The following CDH22 variants were observed in gnomAD, a reference collection of about 807,000 sequenced individuals.
CDH22 encodes the protein cadherin 22.
A neutral mutation model predicts 58.4 loss-of-function variants in CDH22; 30 were observed. The ratio of observed to expected loss-of-function variants is 0.51; its 90% CI spans 0.38 to 0.70. The LOEUF (loss-of-function observed/expected upper bound fraction) is 0.70. Ranked by LOEUF, CDH22 falls within the 30% of genes least tolerant of loss-of-function variation. CDH22 has a pLI of 0.00. For synonymous variants in CDH22, 513 were observed against 558.2 expected (o/e 0.92, Z 1.14); for missense variants, 1,014 against 1,233.9 (o/e 0.82, Z 2.67).
Position 46,251,313 on chromosome 20 carries a change from T to C in CDH22, c.-19A>G. 7.0e-7 allele frequency: 1 copy of C among 1,438,334 alleles called. No homozygotes were observed. The highest frequency in any genetic ancestry group is 9.1e-7 in the Non-Finnish European group (1 of 1,104,634). 89.1% of individuals were successfully genotyped at this position (1,438,334 alleles called of 1,614,324 possible). On this transcript the variant is annotated 5_prime_UTR_variant, in exon 2 of 12. Transcript: ENST00000537909. The surrounding 1 kb of genome is among the most constrained non-coding windows in gnomAD (Gnocchi z 6.7). Reference sequence around the variant, plus strand: ...GCCTCATCCTTGGCCTGCGCGGGGCTGGGGCCCAGGAGCATGGACGAGAGG... The same window carrying C: ...GCCTCATCCTTGGCCTGCGCGGGGCCGGGGCCCAGGAGCATGGACGAGAGG...
At chr20:46,263,406 C>CTCTGTGTGTG (rs1555806371) in intron 1 of CDH22, among the ~76,000 whole-genome samples, 9 of 150,378 alleles carry the variant, frequency 6.0e-5, no homozygotes, top group African/African-American at 2.2e-4. Flanking sequence ...GCCTTCCATT[C>CTCTGTGTGTG]TGTGTGTGTG....
intron 1 of CDH22, among the ~76,000 whole-genome samples, chr20:46,277,726 A>T (rs1009555720): frequency 1.3e-5 from 2 of 151,876 alleles, no homozygotes; most frequent in African/African-American, 2.4e-5. Flanking sequence ...TGAGGTGAGG[A>T]TCAGGGCGTC....
chr20:46,226,276 TCTTCTTCTTCTTC>T (rs1417757051), intron 4 of CDH22, among the ~76,000 whole-genome samples: 100 of 2,954 alleles, frequency 0.034, 7 homozygotes, highest in Middle Eastern at 0.1. Context: ...TTCTTCTTCT[TCTTCTTCTTCTTC>T]TTCTTTTTTT....
At chr20:46,203,864 G>A (rs1251618987) in intron 7 of CDH22, among the ~76,000 whole-genome samples, 1 of 152,118 alleles carries the variant, frequency 6.6e-6, no homozygotes, top group African/African-American at 2.4e-5. Context: ...CTTCTCATTT[G>A]GTGACAACAA....
In CDH22 at chr20:46,241,310, G is replaced by C; in HGVS notation, c.256-53C>G. 1 of 1,466,372 alleles carries C rather than the reference G, an allele frequency of 6.8e-7. No homozygotes were observed. The highest frequency in any genetic ancestry group is 9.2e-7 in the Non-Finnish European group (1 of 1,083,660). 90.8% of individuals were successfully genotyped at this position (1,466,372 alleles called of 1,614,324 possible). A position where few individuals can be genotyped will look rare whatever the true frequency, so the allele number is the denominator to read the frequency against. ...GGAGGCTGAGAAGGAAGCTCCTCTTGGCCTCACTGTCTCATGCCATTGGCT... is the reference window on the plus strand; with the variant it reads ...GGAGGCTGAGAAGGAAGCTCCTCTTCGCCTCACTGTCTCATGCCATTGGCT... On this transcript the variant is annotated intron_variant, in intron 2 of 11. Coordinates refer to ENST00000537909, the MANE Select transcript of CDH22 (RefSeq NM_021248.3). The surrounding 1 kb of genome is among the most constrained non-coding windows in gnomAD (Gnocchi z 5.2).
At chr20:46,245,859 G>A (rs969976117) in intron 2 of CDH22, among the ~76,000 whole-genome samples, 7 of 152,060 alleles carry the variant, frequency 4.6e-5, no homozygotes, top group African/African-American at 1.2e-4. Flanking sequence ...TCTCCCCGTC[G>A]TGTAGATGGG....
At position 46,282,294 on chromosome 20, in the gene CDH22, G is replaced by A. The variant is rs2425854; in HGVS notation, c.-400+25961C>T. Among the ~76,000 whole-genome samples, 128 of 152,030 alleles carry A rather than the reference G, an allele frequency of 8.4e-4. 1 individual carries two copies. Among genetic ancestry groups the A allele is most frequent in the South Asian group, 6.2e-3 (30 of 4,818 alleles). On this transcript the variant is annotated intron_variant, in intron 1 of 11. Coordinates refer to ENST00000537909, the MANE Select transcript of CDH22 (RefSeq NM_021248.3). The stretch of plus-strand genomic sequence containing the variant: ...GTTAGATTCCACAGTAGATTTGCCC[G>A]GGGGGTGGGAGCAGCACTGGGGAGA...
At chr20:46,277,409 G>A (rs2086524167) in intron 1 of CDH22, among the ~76,000 whole-genome samples, 1 of 152,234 alleles carries the variant, frequency 6.6e-6, no homozygotes, top group Admixed American at 6.5e-5. Flanking sequence ...GGCTTATGCA[G>A]GTGGCACACA....
intron 1 of CDH22, among the ~76,000 whole-genome samples, chr20:46,303,181 C>A (rs2086659704): frequency 6.6e-6 from 1 of 152,206 alleles, no homozygotes; most frequent in Non-Finnish European, 1.5e-5. Context: ...CTCCCTGAAC[C>A]CCAACCTCTG....
chr20:46,235,027 C>CAG (rs1251266294), intron 3 of CDH22, among the ~76,000 whole-genome samples: 1 of 152,254 alleles, frequency 6.6e-6, no homozygotes, highest in Admixed American at 6.5e-5. Context: ...GCAAGCCCTA[C>CAG]AGAGCCAAGT....
intron 2 of CDH22, among the ~76,000 whole-genome samples, chr20:46,247,434 G>A (rs1204832569): frequency 6.6e-6 from 1 of 151,850 alleles, no homozygotes; most frequent in East Asian, 1.9e-4. Context: ...AACAAAATTG[G>A]GTCTGTACTG....
chr20:46,286,422 C>A (rs933376430), intron 1 of CDH22, among the ~76,000 whole-genome samples: 3 of 152,196 alleles, frequency 2.0e-5, no homozygotes, highest in African/African-American at 7.2e-5. Flanking sequence ...GCGGACCGAC[C>A]AGGGCGCGTT....
At chr20:46,220,984 A>G (rs1377666305) in intron 4 of CDH22, 1 of 152,852 alleles carries the variant, frequency 6.5e-6, no homozygotes, top group East Asian at 1.9e-4. Context: ...GCTTTGGCCA[A>G]TAGGACATCA....
intron 1 of CDH22, among the ~76,000 whole-genome samples, chr20:46,286,388 C>T (rs148305537): frequency 1.7e-3 from 261 of 152,288 alleles, no homozygotes; most frequent in African/African-American, 5.9e-3. Flanking sequence ...TCAGTCTCAC[C>T]CCATTAGCGC....
chr20:46,182,062 C>G (rs983715311), intron 10 of CDH22, among the ~76,000 whole-genome samples: 1 of 152,080 alleles, frequency 6.6e-6, no homozygotes, highest in Non-Finnish European at 1.5e-5. Flanking sequence ...AACTGATGTG[C>G]CTGCCTCAGC....
rs987636775 is a variant in CDH22 at position 46,251,550 on chromosome 20, C to G, written c.-256G>C. ...CCCCCGGGGTGCCCGCCCGCGCCCC[C>G]GTCGCCGCGTCGCGTGCGGATCACC... On this transcript the variant is annotated 5_prime_UTR_variant, in exon 2 of 12. Coordinates refer to ENST00000537909, the MANE Select transcript of CDH22 (RefSeq NM_021248.3). The surrounding 1 kb of genome is among the most constrained non-coding windows in gnomAD (Gnocchi z 6.7). 3 of 296,094 alleles carry G rather than the reference C, an allele frequency of 1.0e-5. No individual in the cohort carries two copies. The highest frequency in any genetic ancestry group is 1.6e-4 in the South Asian group (1 of 6,268). The allele number at this position is 296,094 out of a possible 1,614,324, so 18.3% of individuals were successfully genotyped here.
At chr20:46,195,020 G>A (rs888164113) in intron 8 of CDH22, among the ~76,000 whole-genome samples, 2 of 152,162 alleles carry the variant, frequency 1.3e-5, no homozygotes, top group Non-Finnish European at 2.9e-5. Flanking sequence ...GTGAACCACC[G>A]TGCCCAGCCA....
intron 4 of CDH22, among the ~76,000 whole-genome samples, chr20:46,225,496 T>A (rs115953617): frequency 0.014 from 2,150 of 151,680 alleles, 42 homozygotes; most frequent in African/African-American, 0.047. Flanking sequence ...GTAAAAAAAA[T>A]AAATACATGT....
chr20:46,188,109 T>C (rs1253299027), intron 8 of CDH22, among the ~76,000 whole-genome samples: 3 of 152,222 alleles, frequency 2.0e-5, no homozygotes, highest in African/African-American at 7.2e-5. Context: ...TAAATTCTAA[T>C]ATATTAATAT....
Sources: allele counts gnomAD v4.1 joint callset (sites outside exome capture counted in the v4.1 genomes callset), GRCh38; gene constraint gnomAD v4.1.1; non-coding constraint Gnocchi (gnomAD v3.1); transcripts MANE v1.5; gene names NCBI Gene and HGNC (gene_info 2026-07-23, HGNC 2026-07-21).